Variants in CNTN1 observed in about 807,000 individuals in gnomAD.
CNTN1 encodes the protein contactin 1, also known as contactin-1.
A neutral mutation model predicts 126.4 loss-of-function variants in CNTN1; 38 were observed. The ratio of observed to expected loss-of-function variants is 0.30; its 90% CI spans 0.23 to 0.39. The LOEUF (loss-of-function observed/expected upper bound fraction) is 0.39, where lower values mean the gene tolerates loss of function less well. Ranked by LOEUF, CNTN1 falls within the 10% of genes least tolerant of loss-of-function variation. The pLI is 1.00. For synonymous variants in CNTN1, 413 were observed against 422.6 expected, an observed-to-expected ratio of 0.98 and a Z score of 0.28; for missense variants, 1,009 against 1,248.4, an observed-to-expected ratio of 0.81 and a Z score of 2.89.
At chr12:40,775,918 T>C (rs1404623012) in intron 1 of CNTN1, among the ~76,000 whole-genome samples, 1 of 151,650 alleles carries the variant, frequency 6.6e-6, no homozygotes, top group East Asian at 1.9e-4. Context: ...ATGTTGTCAC[T>C]GCATAGTTAC....
chr12:41,054,396 T>C (rs765028681), intron 23 of CNTN1, among the ~76,000 whole-genome samples: 29 of 151,980 alleles, frequency 1.9e-4, no homozygotes, highest in Non-Finnish European at 3.2e-4. Context: ...CTATTTTTCA[T>C]GGAACATAAC....
intron 1 of CNTN1, among the ~76,000 whole-genome samples, chr12:40,714,236 T>C (rs1941993412): frequency 6.6e-6 from 1 of 152,036 alleles, no homozygotes; most frequent in African/African-American, 2.4e-5. Flanking sequence ...ATTAATAAAC[T>C]CAAGAAAGTC....
chr12:40,886,616 G>A (rs1470729045), intron 1 of CNTN1, among the ~76,000 whole-genome samples: 1 of 152,068 alleles, frequency 6.6e-6, no homozygotes. Flanking sequence ...CATTGCTTTT[G>A]GTGTTTTAGA....
intron 1 of CNTN1, among the ~76,000 whole-genome samples, chr12:40,867,738 C>T (rs949033468): frequency 1.7e-4 from 26 of 152,198 alleles, no homozygotes; most frequent in African/African-American, 5.3e-4. Flanking sequence ...TCATGCTCTG[C>T]TCTCCAAGCA....
At chr12:40,849,985 A>G (rs1942659846) in intron 1 of CNTN1, among the ~76,000 whole-genome samples, 1 of 152,194 alleles carries the variant, frequency 6.6e-6, no homozygotes, top group East Asian at 1.9e-4. Context: ...ATCTATATAT[A>G]TATATGTGGG....
intron 3 of CNTN1, among the ~76,000 whole-genome samples, chr12:40,912,197 T>C (rs1945063166): frequency 6.8e-6 from 1 of 146,992 alleles, no homozygotes; most frequent in Admixed American, 6.9e-5. Flanking sequence ...CTTCACTCAA[T>C]GTCTTTAAGA....
intron 23 of CNTN1, among the ~76,000 whole-genome samples, chr12:41,066,113 AT>A (rs1268035567): frequency 5.9e-5 from 9 of 152,240 alleles, no homozygotes; most frequent in Non-Finnish European, 1.0e-4. Context: ...CCTCGGAAGA[AT>A]AAAAAATAAT....
intron 17 of CNTN1, among the ~76,000 whole-genome samples, chr12:40,995,682 A>T (rs1287525180): frequency 1.3e-5 from 2 of 152,160 alleles, no homozygotes; most frequent in Non-Finnish European, 2.9e-5. Flanking sequence ...AAAAGCAAAC[A>T]CACCTATTCA....
intron 19 of CNTN1, 137 bp from the exon 20 acceptor site, chr12:41,020,200 T>A: frequency 1.7e-6 from 1 of 604,628 alleles, no homozygotes; most frequent in Non-Finnish European, 2.9e-6. Context: ...TTGCACTTAG[T>A]TTGAAAATAG....
intron 1 of CNTN1, among the ~76,000 whole-genome samples, chr12:40,738,122 G>T (rs931953489): frequency 6.6e-6 from 1 of 152,010 alleles, no homozygotes; most frequent in African/African-American, 2.4e-5. Flanking sequence ...TGATTTTGAA[G>T]AACAAGTGAA....
chr12:40,924,640 T>C lies in CNTN1; in HGVS notation c.484T>C (p.Tyr162His). The change falls in exon 6 of 24, where the codon TAC becomes CAC. Residue 162 changes from tyrosine to histidine, a missense_variant. Transcript: ENST00000551295. ...KGMVLLCDPP[Y>H]HFPDDLSYRW... ...AATGGTGCTTCTCTGTGACCCCCCA[T>C]ACCATTTTCCAGGTAAACTTAATTC... The C allele has an allele frequency of 1.3e-6, 2 of 1,587,130 alleles. No homozygotes were observed. Among genetic ancestry groups the C allele is most frequent in the Non-Finnish European group, 1.7e-6 (2 of 1,156,012 alleles).
intron 1 of CNTN1, among the ~76,000 whole-genome samples, chr12:40,899,410 C>T (rs1944528264): frequency 6.6e-6 from 1 of 152,090 alleles, no homozygotes; most frequent in Non-Finnish European, 1.5e-5. Flanking sequence ...CAAAGCAATA[C>T]ATCAGAATGC....
At chr12:41,033,980 G>A (rs1949202434) in intron 23 of CNTN1, among the ~76,000 whole-genome samples, 1 of 151,930 alleles carries the variant, frequency 6.6e-6, no homozygotes, top group South Asian at 2.1e-4. Flanking sequence ...AATCCAAGAG[G>A]CGGAGCTTGC....
intron 1 of CNTN1, among the ~76,000 whole-genome samples, chr12:40,765,312 T>A (rs1163944213): frequency 6.6e-6 from 1 of 152,098 alleles, no homozygotes; most frequent in African/African-American, 2.4e-5. Context: ...CCATGCGAAG[T>A]TTAGATGTCA....
intron 1 of CNTN1, among the ~76,000 whole-genome samples, chr12:40,714,394 T>G (rs1197206971): frequency 6.6e-6 from 1 of 152,110 alleles, no homozygotes; most frequent in Non-Finnish European, 1.5e-5. Flanking sequence ...AACATAGGCA[T>G]GATTAAAATG....
intron 1 of CNTN1, among the ~76,000 whole-genome samples, chr12:40,769,917 T>G (rs1191860629): frequency 6.6e-6 from 1 of 152,092 alleles, no homozygotes; most frequent in East Asian, 1.9e-4. Flanking sequence ...AGAACATTAT[T>G]AAAAATAAAA....
intron 12 of CNTN1, among the ~76,000 whole-genome samples, chr12:40,942,548 G>A (rs1324623190): frequency 6.6e-6 from 1 of 152,102 alleles, no homozygotes; most frequent in Non-Finnish European, 1.5e-5. Flanking sequence ...CATTGGCTAA[G>A]AACAGCCTGT....
chr12:40,879,442 C>T (rs1034454772), intron 1 of CNTN1, among the ~76,000 whole-genome samples: 1 of 152,042 alleles, frequency 6.6e-6, no homozygotes, highest in African/African-American at 2.4e-5. Flanking sequence ...ACATAAAATT[C>T]CCCAAAGAGA....
At chr12:40,946,821 A>G (rs968656351) in intron 14 of CNTN1, among the ~76,000 whole-genome samples, 2 of 152,050 alleles carry the variant, frequency 1.3e-5, no homozygotes, top group Non-Finnish European at 2.9e-5. Flanking sequence ...CTAAGGGGCA[A>G]CCTTGTATAA....
Sources: allele counts gnomAD v4.1 joint callset (sites outside exome capture counted in the v4.1 genomes callset), GRCh38; gene constraint gnomAD v4.1.1; transcripts MANE v1.5; gene names NCBI Gene and HGNC (gene_info 2026-07-23, HGNC 2026-07-21).